ATP13A3: variants seen among roughly 807,000 people sequenced by gnomAD.
The protein encoded by ATP13A3 is ATPase 13A3.
In ATP13A3, 59 loss-of-function variants were observed where a neutral mutation model predicts 158.1. The ratio of observed to expected loss-of-function variants is 0.37; its 90% confidence interval spans 0.30 to 0.46. The LOEUF (loss-of-function observed/expected upper bound fraction) is 0.46. Ranked by LOEUF, ATP13A3 falls within the 20% of genes least tolerant of loss-of-function variation. The probability of loss-of-function intolerance (pLI) is 1.00; values close to 1 mark genes in which losing one functional copy is unlikely to be tolerated. For missense variants in ATP13A3, 1,166 were observed against 1,525.2 expected, an observed-to-expected ratio of 0.76 and a Z score of 3.92; for synonymous variants, 491 against 504.3, an observed-to-expected ratio of 0.97 and a Z score of 0.35.
At chr3:194,443,739 C>T (rs1035672878) in intron 15 of ATP13A3, among the ~76,000 whole-genome samples, 1 of 151,804 alleles carries the variant, frequency 6.6e-6, no homozygotes, top group Non-Finnish European at 1.5e-5. Context: ...AAGACACAAA[C>T]AAAACTACAG....
chr3:194,430,302 T>A lies in ATP13A3; in HGVS notation c.2638A>T (p.Met880Leu). ...CAATCATTTGCGCCATCACCACACATCCCAACAAAATAACTAAGAAACAAA... is the reference window on the plus strand; with the variant it reads ...CAATCATTTGCGCCATCACCACACAACCCAACAAAATAACTAAGAAACAAA... ...ALQNVDYFVG[M>L]CGDGANDCGA... Residue 880 changes from methionine (M) to leucine (L), a missense_variant, in exon 25 of 34, where the codon ATG becomes TTG. Met to Leu is a conservative substitution (Grantham distance 15). Coordinates refer to ENST00000645319, the MANE Select transcript of ATP13A3 (RefSeq NM_001367549.1). The A allele has an allele frequency of 6.2e-7, 1 of 1,613,580 alleles. No individual in the cohort carries two copies. Among genetic ancestry groups the A allele is most frequent in the South Asian group, 1.1e-5 (1 of 91,024 alleles).
At chr3:194,425,303 G>A in intron 30 of ATP13A3, 39 bp downstream of exon 30, 1 of 1,553,074 alleles carries the variant, frequency 6.4e-7, no homozygotes, top group African/African-American at 1.4e-5. Flanking sequence ...GTTTTAAAGG[G>A]GCAAGCAGGG....
At chr3:194,421,114 G>GTGTGTA (rs774431656) in intron 30 of ATP13A3, among the ~76,000 whole-genome samples, 6 of 8,110 alleles carry the variant, frequency 7.4e-4, no homozygotes, top group African/African-American at 3.4e-3. Flanking sequence ...TGTGTAGGGT[G>GTGTGTA]TATATATATA....
chr3:194,421,256 A>T (rs1335412165), intron 30 of ATP13A3, among the ~76,000 whole-genome samples: 2 of 139,516 alleles, frequency 1.4e-5, no homozygotes, highest in African/African-American at 5.5e-5. Context: ...GACCAAAAGG[A>T]TTAAAAAAAA....
chr3:194,460,401 A>C (rs1307748209), intron 4 of ATP13A3, among the ~76,000 whole-genome samples: 1 of 152,198 alleles, frequency 6.6e-6, no homozygotes, highest in East Asian at 1.9e-4. Context: ...ACCGTAACAG[A>C]CAAGTAGCTA....
chr3:194,433,988 T>C (rs1326733189), intron 20 of ATP13A3, 92 bp from the exon 21 acceptor site: 1 of 1,296,048 alleles, frequency 7.7e-7, no homozygotes, highest in African/African-American at 1.5e-5. Context: ...CAATTAAAAA[T>C]GTCTATAAGT....
At chr3:194,425,063 C>A (rs141313882) in intron 30 of ATP13A3, among the ~76,000 whole-genome samples, 1 of 152,190 alleles carries the variant, frequency 6.6e-6, no homozygotes, top group Non-Finnish European at 1.5e-5. Context: ...CTCCACTTCC[C>A]ATCCTAACTC....
At chr3:194,468,375 C>T (rs1290109855) in intron 2 of ATP13A3, 3 of 121,596 alleles carry the variant, frequency 2.5e-5, no homozygotes, top group Admixed American at 8.5e-5. Flanking sequence ...ACTTGATTTG[C>T]TGTGTGAGTT....
intron 17 of ATP13A3, 41 bp downstream of exon 17, chr3:194,438,815 T>A (rs753029865): frequency 4.7e-5 from 60 of 1,276,676 alleles, no homozygotes; most frequent in Admixed American, 6.9e-5. Context: ...TAAATATAAG[T>A]AACCACCAAC....
chr3:194,425,018 C>T (rs56999394), intron 30 of ATP13A3, among the ~76,000 whole-genome samples: 3,024 of 152,222 alleles, frequency 0.02, 72 homozygotes, highest in East Asian at 0.07. Context: ...GCCCCCGATC[C>T]TAACTCACCC....
upstream of ATP13A3, among the ~76,000 whole-genome samples, chr3:194,490,096 CT>C (rs1244008025): frequency 6.6e-6 from 1 of 152,186 alleles, no homozygotes; most frequent in Non-Finnish European, 1.5e-5. The surrounding 1 kb of genome is among the most constrained non-coding windows in gnomAD (Gnocchi z 4.4). Context: ...TTTGCATCTT[CT>C]TCATCCTCAA....
At chr3:194,412,561 G>T in intron 32 of ATP13A3, 4 of 387,958 alleles carry the variant, frequency 1.0e-5, no homozygotes, top group Non-Finnish European at 1.9e-5. Flanking sequence ...ATATTAAAAT[G>T]ATGCTTATGT....
intron 2 of ATP13A3, among the ~76,000 whole-genome samples, chr3:194,467,413 T>G (rs1450030291): frequency 2.0e-5 from 3 of 152,242 alleles, no homozygotes; most frequent in Non-Finnish European, 2.9e-5. Context: ...AATACAATTT[T>G]TTAACCATAT....
At chr3:194,411,134 G>A (rs1349714326) in intron 33 of ATP13A3, among the ~76,000 whole-genome samples, 1 of 151,958 alleles carries the variant, frequency 6.6e-6, no homozygotes, top group Non-Finnish European at 1.5e-5. Context: ...AACGGAAATG[G>A]TACTCTGCAG....
At chr3:194,476,052 C>T (rs751191965) in intron 2 of ATP13A3, among the ~76,000 whole-genome samples, 1 of 152,128 alleles carries the variant, frequency 6.6e-6, no homozygotes, top group Non-Finnish European at 1.5e-5. Context: ...TCCACATGTA[C>T]TTGAAATGCA....
chr3:194,465,951 C>T (rs1719964196), intron 2 of ATP13A3, among the ~76,000 whole-genome samples: 1 of 151,618 alleles, frequency 6.6e-6, no homozygotes, highest in Non-Finnish European at 1.5e-5. Flanking sequence ...CACTGCACTC[C>T]AGCCTAGGCA....
intron 26 of ATP13A3, 95 bp downstream of exon 26, chr3:194,429,977 A>G (rs1411349052): frequency 3.4e-6 from 4 of 1,175,868 alleles, no homozygotes; most frequent in Non-Finnish European, 3.6e-6. Flanking sequence ...ATCTGCTAAT[A>G]TTAAACAAAT....
chr3:194,403,288 G>A lies in ATP13A3; in HGVS notation c.*2631C>T, dbSNP rs1420943374. On this transcript the variant is annotated 3_prime_UTR_variant, in exon 34 of 34. Coordinates refer to ENST00000645319, the MANE Select transcript of ATP13A3 (RefSeq NM_001367549.1). ...AATTGGGAAAGCTTTCGAATTTCAG[G>A]ATTATAAAACTACTATAAAAGTATT... The A allele has an allele frequency of 6.6e-6, 1 of 152,144 alleles. No homozygotes were observed. The highest frequency in any genetic ancestry group is 6.5e-5 in the Admixed American group (1 of 15,278). 9.4% of individuals were successfully genotyped at this position (152,144 alleles called of 1,614,324 possible). A position where few individuals can be genotyped will look rare whatever the true frequency, so the allele number is the denominator to read the frequency against.
chr3:194,429,047 T>C (rs1717022224), intron 27 of ATP13A3, 130 bp from the exon 28 acceptor site: 1 of 525,308 alleles, frequency 1.9e-6, no homozygotes, highest in Non-Finnish European at 3.4e-6. Context: ...TGCTTAAAAA[T>C]TGAAATATAA....
Sources: allele counts gnomAD v4.1 joint callset (sites outside exome capture counted in the v4.1 genomes callset), GRCh38; gene constraint gnomAD v4.1.1; non-coding constraint Gnocchi (gnomAD v3.1); transcripts MANE v1.5; gene names NCBI Gene and HGNC (gene_info 2026-07-23, HGNC 2026-07-21).